The following PIK3C2A variants were observed in gnomAD, a reference collection of about 807,000 sequenced individuals.
The protein encoded by PIK3C2A is phosphatidylinositol-4-phosphate 3-kinase catalytic subunit type 2 alpha, also known as phosphatidylinositol 4-phosphate 3-kinase C2 domain-containing subunit alpha.
In PIK3C2A, 97 loss-of-function variants were observed where a neutral mutation model predicts 204.5. The observed-to-expected ratio is 0.47, with a 90% CI of 0.40 to 0.56. The LOEUF is 0.56. Ranked by LOEUF, PIK3C2A falls within the 20% of genes least tolerant of loss-of-function variation. The pLI is 0.00. For missense variants in PIK3C2A, 1,735 were observed against 1,969.2 expected, an observed-to-expected ratio of 0.88 and a Z score of 2.25; for synonymous variants, 653 against 664.4, an observed-to-expected ratio of 0.98 and a Z score of 0.26.
intron 3 of PIK3C2A, among the ~76,000 whole-genome samples, chr11:17,154,742 G>A (rs183993777): frequency 6.6e-6 from 1 of 152,296 alleles, no homozygotes; most frequent in East Asian, 1.9e-4. Context: ...GAAAGGAAAT[G>A]GAGTGGACAA....
Position 17,110,497 on chromosome 11 carries a change from CA to C in PIK3C2A, c.3478del (p.Trp1160GlyfsTer6). On this transcript the variant is annotated frameshift_variant, in exon 22 of 33. Coordinates refer to ENST00000691414, the MANE Select transcript of PIK3C2A (RefSeq NM_002645.4). LOFTEE classifies it high-confidence loss of function. Reference sequence around the variant, plus strand: ...CCTCAGATCTAGTCCTTCTTTAAGCCAGATCTTATCCATAATCTTTATCATC... The same window carrying C: ...CCTCAGATCTAGTCCTTCTTTAAGCCGATCTTATCCATAATCTTTATCATC... ...LQMIKIMDKI[W>X]LKEGLDLRMV... is the part of the protein sequence containing the mutation. The C allele has an allele frequency of 6.2e-7, 1 of 1,607,464 alleles. No individual in the cohort carries two copies. Among genetic ancestry groups the C allele is most frequent in the African/African-American group, 1.3e-5 (1 of 74,912 alleles).
In PIK3C2A at chr11:17,143,239, C is replaced by T. The variant is rs568947025; in HGVS notation, c.1704+2429G>A. Reference sequence around the variant, plus strand: ...CTACACTCATACTCTTTCCCCTTCACTCACATCTCATCACCTATTAAAATC... The same window carrying T: ...CTACACTCATACTCTTTCCCCTTCATTCACATCTCATCACCTATTAAAATC... On this transcript the variant is annotated intron_variant, in intron 8 of 32. Transcript: ENST00000691414. 2.0e-4 allele frequency among the ~76,000 whole-genome samples: 30 copies of T among 152,270 alleles called. No individual in the cohort carries two copies. The South Asian group carries it at 6.2e-3, about 32-fold the overall frequency.
At chr11:17,121,042 A>G (rs1849351356) in intron 15 of PIK3C2A, among the ~76,000 whole-genome samples, 1 of 152,162 alleles carries the variant, frequency 6.6e-6, no homozygotes, top group Admixed American at 6.5e-5. Flanking sequence ...TAATAGTTAC[A>G]TGGTTCTCTA....
At chr11:17,150,709 G>A in intron 3 of PIK3C2A, 54 bp from the exon 4 acceptor site, 1 of 1,358,656 alleles carries the variant, frequency 7.4e-7, no homozygotes. Flanking sequence ...TTCATTTGAG[G>A]GCTCTGAACA....
intron 23 of PIK3C2A, among the ~76,000 whole-genome samples, chr11:17,104,180 T>C (rs192079751): frequency 6.6e-6 from 1 of 152,320 alleles, no homozygotes; most frequent in African/African-American, 2.4e-5. Flanking sequence ...TTAGGATCAT[T>C]AGAGGCCTAT....
chr11:17,101,493 A>G (rs1470011129), intron 24 of PIK3C2A, 59 bp from the exon 25 acceptor site: 21 of 910,008 alleles, frequency 2.3e-5, no homozygotes, highest in Non-Finnish European at 3.3e-5. Flanking sequence ...CAATAGTGCT[A>G]TTACATGATT....
chr11:17,118,705 A>G lies in PIK3C2A; in HGVS notation c.2975T>C (p.Leu992Ser). 6.4e-7 allele frequency: 1 copy of G among 1,565,942 alleles called. No homozygotes were observed. Among genetic ancestry groups the G allele is most frequent in the Non-Finnish European group, 8.8e-7 (1 of 1,137,358 alleles). The change falls in exon 18 of 33, where the codon TTA becomes TCA. Residue 992 changes from leucine to serine, a missense_variant. Physicochemically the swap from Leu to Ser is moderately radical, Grantham distance 145. This residue lies in a region of PIK3C2A where 567 missense variants were observed against 576.0 expected (regional missense o/e 0.98). Coordinates refer to ENST00000691414, the MANE Select transcript of PIK3C2A (RefSeq NM_002645.4). ...LKYEIYLNSS[L>S]VQFLLSRALG... Reference sequence around the variant, plus strand: ...TGCCCTGGACAAAAGGAATTGCACTAATGAACTATTCAAGTAAATTTCATA... The same window carrying G: ...TGCCCTGGACAAAAGGAATTGCACTGATGAACTATTCAAGTAAATTTCATA...
intron 1 of PIK3C2A, among the ~76,000 whole-genome samples, chr11:17,200,768 T>C (rs764930615): frequency 7.9e-5 from 12 of 152,222 alleles, no homozygotes; most frequent in Non-Finnish European, 1.5e-4. Context: ...CTAAAACAGA[T>C]GAATTTTACT....
Position 17,118,279 on chromosome 11 carries a change from G to T in PIK3C2A, c.3035+366C>A, listed in dbSNP as rs140825472. Among the ~76,000 whole-genome samples the T allele has an allele frequency of 2.0e-5, 3 of 151,346 alleles. No individual in the cohort carries two copies. The East Asian group carries it at 5.9e-4, about 30-fold the overall frequency. ...GTAGAGATGAGGTTTCACCATGATT[G>T]TTAGGCTGGTCTTAAACTCCTGAGA... On this transcript the variant is annotated intron_variant, in intron 18 of 32. Transcript: ENST00000691414.
intron 2 of PIK3C2A, among the ~76,000 whole-genome samples, chr11:17,155,903 A>G (rs1850575737): frequency 6.6e-6 from 1 of 152,232 alleles, no homozygotes; most frequent in Admixed American, 6.5e-5. Flanking sequence ...TCCATTCAAA[A>G]TATTCCTAAA....
chr11:17,108,647 A>T (rs1164559911), intron 22 of PIK3C2A, among the ~76,000 whole-genome samples: 2 of 152,036 alleles, frequency 1.3e-5, no homozygotes, highest in Admixed American at 6.6e-5. Context: ...CAAAAAGAAA[A>T]TGTACAAGTT....
chr11:17,143,243 CAT>C (rs1850123180), intron 8 of PIK3C2A, among the ~76,000 whole-genome samples: 1 of 152,180 alleles, frequency 6.6e-6, no homozygotes, highest in African/African-American at 2.4e-5. Context: ...CCTTCACTCA[CAT>C]CTCATCACCT....
chr11:17,134,150 T>A (rs1034255732), intron 11 of PIK3C2A, among the ~76,000 whole-genome samples: 1 of 152,196 alleles, frequency 6.6e-6, no homozygotes, highest in Non-Finnish European at 1.5e-5. Flanking sequence ...AACACCAAGA[T>A]AACTGGTTGC....
chr11:17,142,649 G>A (rs978665752), intron 8 of PIK3C2A, among the ~76,000 whole-genome samples: 3 of 149,582 alleles, frequency 2.0e-5, no homozygotes, highest in Non-Finnish European at 4.4e-5. Flanking sequence ...ATCTGCAGGG[G>A]GTTGCAGCTG....
At chr11:17,180,990 ATG>A in intron 1 of PIK3C2A, among the ~76,000 whole-genome samples, 2 of 152,304 alleles carry the variant, frequency 1.3e-5, no homozygotes, top group South Asian at 2.1e-4. Flanking sequence ...GAACAGCCAA[ATG>A]GAAGAGTTTA....
intron 12 of PIK3C2A, among the ~76,000 whole-genome samples, chr11:17,131,115 G>A (rs778569476): frequency 6.6e-6 from 1 of 152,150 alleles, no homozygotes; most frequent in Non-Finnish European, 1.5e-5. Flanking sequence ...TTGAACTCGA[G>A]AGGTGGAGCT....
chr11:17,099,141 C>T (rs953520548), intron 26 of PIK3C2A, among the ~76,000 whole-genome samples: 8 of 152,138 alleles, frequency 5.3e-5, no homozygotes, highest in South Asian at 2.1e-4. Flanking sequence ...GTAATCCGCC[C>T]GCCTCGGCCT....
At chr11:17,090,521 C>T (rs1302288909) in intron 32 of PIK3C2A, among the ~76,000 whole-genome samples, 1 of 152,042 alleles carries the variant, frequency 6.6e-6, no homozygotes, top group Non-Finnish European at 1.5e-5. Flanking sequence ...GTGGAGTGAT[C>T]TAAGACAAAC....
At chr11:17,128,313 G>A (rs1307934064) in intron 13 of PIK3C2A, among the ~76,000 whole-genome samples, 1 of 143,920 alleles carries the variant, frequency 6.9e-6, no homozygotes, top group Non-Finnish European at 1.5e-5. Flanking sequence ...GGGGCTCACT[G>A]AAACCTCTGC....
Sources: gnomAD v4.1 joint callset for allele counts (sites outside exome capture counted in the v4.1 genomes callset) on GRCh38, gnomAD v4.1.1 for gene constraint, gnomAD v4.1.1 regional missense constraint, MANE v1.5 for transcripts, NCBI Gene and HGNC (gene_info 2026-07-23, HGNC 2026-07-21) for gene names.